HYCC2: variants seen among roughly 807,000 people sequenced by gnomAD.
The protein encoded by HYCC2 is hyccin PI4KA lipid kinase complex subunit 2.
the HYCC2 span, among the ~76,000 whole-genome samples, chr2:201,042,618 G>A: frequency 4.6e-5 from 7 of 151,050 alleles, no homozygotes; most frequent in East Asian, 9.8e-4. Flanking sequence ...CGCCCCGTCT[G>A]GGGGAGCCCC....
the HYCC2 span, among the ~76,000 whole-genome samples, chr2:201,024,938 A>G: frequency 1.3e-5 from 2 of 151,854 alleles, no homozygotes; most frequent in African/African-American, 2.4e-5. Context: ...GTGAGACCCA[A>G]TATCTATAAA....
chr2:200,994,998 ACT>A, the HYCC2 span, among the ~76,000 whole-genome samples: 4 of 148,198 alleles, frequency 2.7e-5, no homozygotes, highest in Non-Finnish European at 6.0e-5. Flanking sequence ...ACAAAGGAAG[ACT>A]CTCTCAAAAA....
chr2:201,003,160 G>A, the HYCC2 span, among the ~76,000 whole-genome samples: 1 of 151,942 alleles, frequency 6.6e-6, no homozygotes, highest in African/African-American at 2.4e-5. Flanking sequence ...TCAAACTCCT[G>A]GGCTTGGTCC....
At chr2:201,054,498 T>A in the HYCC2 span, among the ~76,000 whole-genome samples, 4,328 of 152,218 alleles carry the variant, frequency 0.028, 216 homozygotes, top group African/African-American at 0.099. Flanking sequence ...GGACAAGAAG[T>A]TCCAGACTTA....
the HYCC2 span, chr2:201,064,159 C>G: frequency 4.7e-6 from 4 of 847,550 alleles, no homozygotes; most frequent in South Asian, 4.2e-5. Context: ...CAGGGCCTAG[C>G]TGCTACAAAG....
the HYCC2 span, among the ~76,000 whole-genome samples, chr2:201,016,539 C>T: frequency 1.3e-5 from 2 of 152,146 alleles, no homozygotes; most frequent in Non-Finnish European, 2.9e-5. Context: ...CCTTGGCCTC[C>T]TAAAGTGCTG....
At chr2:201,030,601 T>C in the HYCC2 span, among the ~76,000 whole-genome samples, 1 of 151,478 alleles carries the variant, frequency 6.6e-6, no homozygotes, top group Non-Finnish European at 1.5e-5. Context: ...TTTTTTGAGT[T>C]GGAGTCTCAC....
At chr2:201,002,748 CT>C in the HYCC2 span, among the ~76,000 whole-genome samples, 1 of 152,126 alleles carries the variant, frequency 6.6e-6, no homozygotes, top group Non-Finnish European at 1.5e-5. Flanking sequence ...TGGTTTCGAA[CT>C]CCTAACTTCG....
the HYCC2 span, among the ~76,000 whole-genome samples, chr2:201,029,639 T>A: frequency 6.6e-6 from 1 of 152,136 alleles, no homozygotes; most frequent in African/African-American, 2.4e-5. Flanking sequence ...GGGACAAGGA[T>A]GAAGCTGGAA....
the HYCC2 span, among the ~76,000 whole-genome samples, chr2:201,068,107 A>G: frequency 6.6e-6 from 1 of 152,040 alleles, no homozygotes; most frequent in African/African-American, 2.4e-5. Context: ...CAACTTGGAG[A>G]AATCCCGTCT....
the HYCC2 span, among the ~76,000 whole-genome samples, chr2:201,018,143 A>G: frequency 3.9e-5 from 6 of 152,154 alleles, no homozygotes; most frequent in Non-Finnish European, 8.8e-5. Context: ...ATCACACAAT[A>G]TGACTTATGA....
the HYCC2 span, among the ~76,000 whole-genome samples, chr2:201,052,947 A>C: frequency 2.0e-5 from 3 of 152,176 alleles, no homozygotes; most frequent in Non-Finnish European, 4.4e-5. Context: ...CCAGGAAAAG[A>C]AGCACCAGAA....
the HYCC2 span, among the ~76,000 whole-genome samples, chr2:201,059,421 C>T: frequency 1.9e-3 from 287 of 152,170 alleles, 1 homozygote; most frequent in Non-Finnish European, 3.6e-3. Flanking sequence ...ATTCCATTAC[C>T]ATGTCTTCTT....
the HYCC2 span, among the ~76,000 whole-genome samples, chr2:201,047,338 A>G: frequency 1.3e-5 from 2 of 151,748 alleles, no homozygotes; most frequent in Non-Finnish European, 2.9e-5. Context: ...AGAATGGAAG[A>G]GAGAGGAAGG....
chr2:201,013,479 C>CAAAA, the HYCC2 span, among the ~76,000 whole-genome samples: 6 of 66,298 alleles, frequency 9.1e-5, no homozygotes, highest in African/African-American at 1.5e-4. Flanking sequence ...CACTCCATTT[C>CAAAA]AAAAAAAAAA....
At chr2:201,035,247 C>T in the HYCC2 span, among the ~76,000 whole-genome samples, 166 of 152,262 alleles carry the variant, frequency 1.1e-3, no homozygotes, top group Non-Finnish European at 2.2e-3. Flanking sequence ...ACCAATCAGA[C>T]GTAGATTTGG....
chr2:201,044,351 T>C, the HYCC2 span, among the ~76,000 whole-genome samples: 6 of 152,314 alleles, frequency 3.9e-5, no homozygotes, highest in Admixed American at 2.0e-4. Context: ...GGATTAGAGC[T>C]AGGATTACAA....
At chr2:200,997,958 C>T in the HYCC2 span, among the ~76,000 whole-genome samples, 1 of 152,190 alleles carries the variant, frequency 6.6e-6, no homozygotes, top group African/African-American at 2.4e-5. Flanking sequence ...ATTGCTTGAA[C>T]CCGGGAGGCG....
chr2:201,021,878 G>A, the HYCC2 span: 105 of 374,544 alleles, frequency 2.8e-4, no homozygotes, highest in Non-Finnish European at 4.8e-4. Flanking sequence ...GAAATACACT[G>A]CAAGAGAAAA....
Sources: allele counts gnomAD v4.1 joint callset (sites outside exome capture counted in the v4.1 genomes callset), GRCh38; gene constraint gnomAD v4.1.1; transcripts MANE v1.5; gene names NCBI Gene and HGNC (gene_info 2026-07-23, HGNC 2026-07-21).